The following AHRR variants were observed in gnomAD, a reference collection of about 807,000 sequenced individuals.
The protein encoded by AHRR is ahR repressor.
A neutral mutation model predicts 44.0 loss-of-function variants in AHRR; 28 were observed. That is an observed-to-expected ratio of 0.64 (90% CI 0.47 to 0.87). The LOEUF (loss-of-function observed/expected upper bound fraction) is 0.87. Among genes scored for constraint, AHRR ranks in the 40% least tolerant of loss-of-function variants. The pLI is 0.00. For missense variants in AHRR, 990 were observed against 953.9 expected (o/e 1.04, Z -0.50); for synonymous variants, 434 against 407.0 (o/e 1.07, Z -0.80).
At position 337,582 on chromosome 5, in the gene AHRR, C is replaced by T. The variant is rs1024496631; in HGVS notation, c.-10-6311C>T. ...TATTTTCTGTAGAGATGAGGTCTCA[C>T]TGTGTTGGCGTTTTATATTTTAAAT... On this transcript the variant is annotated intron_variant, in intron 1 of 10. Transcript: ENST00000684583. The surrounding 1 kb of genome is among the most constrained non-coding windows in gnomAD (Gnocchi z 4.1). Among the ~76,000 whole-genome samples, 1 of 152,126 alleles carries T rather than the reference C, an allele frequency of 6.6e-6. No homozygotes were observed. Among genetic ancestry groups the T allele is most frequent in the Non-Finnish European group, 1.5e-5 (1 of 68,024 alleles).
intron 3 of AHRR, among the ~76,000 whole-genome samples, chr5:363,298 G>T (rs1003191188): frequency 6.6e-6 from 1 of 152,200 alleles, no homozygotes; most frequent in Non-Finnish European, 1.5e-5. Flanking sequence ...AAATCCAGAG[G>T]GCTCTGGGGG....
In AHRR at chr5:388,581, G is replaced by A. The variant is rs368738320; in HGVS notation, c.351+11865G>A. 6.6e-6 allele frequency among the ~76,000 whole-genome samples: 1 copy of A among 152,186 alleles called. No individual in the cohort carries two copies. Among genetic ancestry groups the A allele is most frequent in the Non-Finnish European group, 1.5e-5 (1 of 68,034 alleles). ...AGGGCGTCTGCGGTGGCCCTGAGCC[G>A]AGGCTGCTTCATGCCAGGCAGCCCT... is the stretch of plus-strand genomic sequence containing the variant. On this transcript the variant is annotated intron_variant, in intron 4 of 10. Transcript: ENST00000684583. The surrounding 1 kb of genome is among the most constrained non-coding windows in gnomAD (Gnocchi z 5.2).
At chr5:372,274 G>A (rs1013918064) in intron 3 of AHRR, among the ~76,000 whole-genome samples, 1 of 151,980 alleles carries the variant, frequency 6.6e-6, no homozygotes, top group Non-Finnish European at 1.5e-5. Flanking sequence ...CTGTGGAGCT[G>A]TGGGCTGGGG....
chr5:351,326 C>T (rs2672719), intron 2 of AHRR, among the ~76,000 whole-genome samples: 2,491 of 152,326 alleles, frequency 0.016, 72 homozygotes, highest in African/African-American at 0.058. Flanking sequence ...CCGATACTCA[C>T]GGCAGCCAAA....
At chr5:399,047 C>T (rs530301351) in intron 4 of AHRR, among the ~76,000 whole-genome samples, 4 of 152,370 alleles carry the variant, frequency 2.6e-5, no homozygotes, top group African/African-American at 7.2e-5. Context: ...GGTTTCCTAC[C>T]GGGTGGTTCT....
intron 5 of AHRR, chr5:422,427 G>T (rs1258655255): frequency 2.4e-6 from 1 of 419,176 alleles, no homozygotes. Flanking sequence ...GGATGTCTTG[G>T]CCCCAGAGTG....
At position 383,577 on chromosome 5, in the gene AHRR, A is replaced by G. The variant is rs963516473; in HGVS notation, c.351+6861A>G. Reference sequence around the variant, plus strand: ...AGCTTTCTTTTCTTTTTTTTTTTTTAATACAGACAGGGTCTTGCTCTGTCA... The same window carrying G: ...AGCTTTCTTTTCTTTTTTTTTTTTTGATACAGACAGGGTCTTGCTCTGTCA... On this transcript the variant is annotated intron_variant, in intron 4 of 10. Coordinates refer to ENST00000684583, the MANE Select transcript of AHRR (RefSeq NM_001377236.1). This position sits in a 1 kb window ranked among gnomAD's most constrained non-coding sequence, Gnocchi z 4.0. Among the ~76,000 whole-genome samples, 9 of 145,178 alleles carry G rather than the reference A, an allele frequency of 6.2e-5. No individual in the cohort carries two copies. Among genetic ancestry groups the G allele is most frequent in the African/African-American group, 2.3e-4 (9 of 38,526 alleles).
chr5:397,326 A>G (rs1056521613), intron 4 of AHRR, among the ~76,000 whole-genome samples: 3 of 104,498 alleles, frequency 2.9e-5, no homozygotes, highest in Non-Finnish European at 6.0e-5. Flanking sequence ...TTAGCCCCTG[A>G]CCATCCATGT....
At chr5:363,378 G>A (rs577173825) in intron 3 of AHRR, among the ~76,000 whole-genome samples, 1 of 152,306 alleles carries the variant, frequency 6.6e-6, no homozygotes, top group South Asian at 2.1e-4. Flanking sequence ...AACTCAGGAG[G>A]TGTATCCTCT....
Position 324,045 on chromosome 5 carries a change from TTCTC to T in AHRR, c.-11+2238_-11+2241del, listed in dbSNP as rs535547539. Among the ~76,000 whole-genome samples, 134 of 123,448 alleles carry T rather than the reference TTCTC, an allele frequency of 1.1e-3. 2 individuals are homozygous for T. The highest frequency in any genetic ancestry group is 3.9e-3 in the African/African-American group (122 of 30,942). The allele number at this position is 123,448 out of a possible 152,430, so 81.0% of individuals were successfully genotyped here. On this transcript the variant is annotated intron_variant, in intron 1 of 10. Transcript: ENST00000684583. ...TTTCTCTCTCTCTCTCTGTCTCTCT[TTCTC>T]TCTCTCTCTCTTTCTTTCCTTTTCT...
At chr5:355,528 C>T (rs947908487) in intron 3 of AHRR, among the ~76,000 whole-genome samples, 23 of 152,306 alleles carry the variant, frequency 1.5e-4, no homozygotes, top group South Asian at 6.2e-4. Flanking sequence ...CTCACCCTCT[C>T]GCTGGGAGGT....
At chr5:427,538 G>A (rs370620725) in intron 7 of AHRR, 53 of 1,418,678 alleles carry the variant, frequency 3.7e-5, no homozygotes, top group African/African-American at 3.1e-4. Context: ...AGGCACACAC[G>A]CGGGAATGAA....
intron 5 of AHRR, among the ~76,000 whole-genome samples, chr5:420,261 T>C (rs945294166): frequency 5.3e-5 from 8 of 152,216 alleles, no homozygotes; most frequent in African/African-American, 1.9e-4. Flanking sequence ...CCTGTTTTCA[T>C]AGAACAGGAT....
At chr5:375,033 C>T (rs1488901475) in intron 3 of AHRR, among the ~76,000 whole-genome samples, 1 of 152,098 alleles carries the variant, frequency 6.6e-6, no homozygotes, top group East Asian at 1.9e-4. Flanking sequence ...ACCACTTTGA[C>T]TAGCAGGTGG....
intron 4 of AHRR, among the ~76,000 whole-genome samples, chr5:408,662 T>C (rs72711361): frequency 0.24 from 35,979 of 152,128 alleles, 5,450 homozygotes; most frequent in Non-Finnish European, 0.34. Context: ...TATTTTACTC[T>C]CCATATCAGA....
intron 5 of AHRR, chr5:422,247 A>C (rs934351269): frequency 1.6e-5 from 3 of 186,240 alleles, no homozygotes; most frequent in Non-Finnish European, 3.4e-5. Flanking sequence ...GCTTCTGAGC[A>C]GGTGGAAGGA....
Position 342,680 on chromosome 5 carries a change from A to G in AHRR, c.-10-1213A>G, listed in dbSNP as rs570396734. On this transcript the variant is annotated intron_variant, in intron 1 of 10. Transcript: ENST00000684583. This position sits in a 1 kb window ranked among gnomAD's most constrained non-coding sequence, Gnocchi z 4.3. ...GTGAGGGCTCCTTAACTTCCTCCCCAAGGCTTCTGGCCCAGAGCCTGGCAC... is the reference window on the plus strand; with the variant it reads ...GTGAGGGCTCCTTAACTTCCTCCCCGAGGCTTCTGGCCCAGAGCCTGGCAC... Among the ~76,000 whole-genome samples, 33 of 152,174 alleles carry G rather than the reference A, an allele frequency of 2.2e-4. No homozygotes were observed. Among genetic ancestry groups the G allele is most frequent in the Admixed American group, 8.5e-4 (13 of 15,276 alleles).
rs945818157 is a variant in AHRR at position 404,873 on chromosome 5, C to T, written c.352-8471C>T. On this transcript the variant is annotated intron_variant, in intron 4 of 10. Coordinates refer to ENST00000684583, the MANE Select transcript of AHRR (RefSeq NM_001377236.1). The surrounding 1 kb of genome is among the most constrained non-coding windows in gnomAD (Gnocchi z 4.1). The stretch of plus-strand genomic sequence containing the variant: ...CGGGCACCACCTGCCATTCCTCCTT[C>T]GTGCCTTCGAGTAGCAGGCTCAGTC... Among the ~76,000 whole-genome samples, 7 of 152,164 alleles carry T rather than the reference C, an allele frequency of 4.6e-5. No homozygotes were observed. Among genetic ancestry groups the T allele is most frequent in the East Asian group, 1.9e-4 (1 of 5,196 alleles).
intron 6 of AHRR, among the ~76,000 whole-genome samples, chr5:423,562 A>G (rs1736232134): frequency 6.6e-6 from 1 of 152,214 alleles, no homozygotes; most frequent in South Asian, 2.1e-4. Context: ...AAGCCCAGGC[A>G]CCTACATGCA....
Sources: allele counts gnomAD v4.1 joint callset (sites outside exome capture counted in the v4.1 genomes callset), GRCh38; gene constraint gnomAD v4.1.1; non-coding constraint Gnocchi (gnomAD v3.1); transcripts MANE v1.5; gene names NCBI Gene and HGNC (gene_info 2026-07-23, HGNC 2026-07-21).